Variants in GRM5 observed in about 807,000 individuals in gnomAD.
GRM5 encodes the protein metabotropic glutamate receptor 5.
A neutral mutation model predicts 83.1 loss-of-function variants in GRM5; 19 were observed. That is an observed-to-expected ratio of 0.23 (90% CI 0.16 to 0.34). The LOEUF is 0.34. Ranked by LOEUF, GRM5 falls within the 10% of genes least tolerant of loss-of-function variation. The probability of loss-of-function intolerance (pLI) is 1.00; values close to 1 mark genes in which losing one functional copy is unlikely to be tolerated. For synonymous variants in GRM5, 675 were observed against 633.6 expected, an observed-to-expected ratio of 1.07 and a Z score of -0.98; for missense variants, 1,160 against 1,588.3, an observed-to-expected ratio of 0.73 and a Z score of 4.58.
intron 3 of GRM5, among the ~76,000 whole-genome samples, chr11:88,770,019 T>G (rs543597018): frequency 3.7e-4 from 56 of 152,050 alleles, no homozygotes; most frequent in Admixed American, 1.1e-3. Flanking sequence ...GTTGATAGTA[T>G]ACACCCTGGA....
chr11:88,885,113 ATATAT>A (rs1945021009), intron 2 of GRM5, among the ~76,000 whole-genome samples: 3 of 152,074 alleles, frequency 2.0e-5, no homozygotes, highest in Middle Eastern at 3.4e-3. Flanking sequence ...CTGAATTTAT[ATATAT>A]TATAAAATGA....
intron 4 of GRM5, among the ~76,000 whole-genome samples, chr11:88,631,065 A>G (rs766630495): frequency 6.6e-6 from 1 of 152,162 alleles, no homozygotes; most frequent in Admixed American, 6.5e-5. Context: ...GCAATTACTG[A>G]AATGTCAAAA....
intron 1 of GRM5, chr11:89,063,657 C>G (rs1007819136): frequency 2.6e-5 from 4 of 152,008 alleles, no homozygotes; most frequent in Admixed American, 2.0e-4. Context: ...CTGAGGGCGG[C>G]GTGTGCAGCA....
intron 3 of GRM5, among the ~76,000 whole-genome samples, chr11:88,688,470 G>A (rs1940702095): frequency 6.6e-6 from 1 of 152,106 alleles, no homozygotes; most frequent in Non-Finnish European, 1.5e-5. Context: ...GTGGATTTCA[G>A]TACAAAGCTC....
chr11:88,930,139 G>A (rs1210427305), intron 2 of GRM5, among the ~76,000 whole-genome samples: 1 of 152,042 alleles, frequency 6.6e-6, no homozygotes, highest in Non-Finnish European at 1.5e-5. Context: ...TTTGTGCTGG[G>A]TGCAGTGACC....
At position 88,722,860 on chromosome 11, in the gene GRM5, C is replaced by T. The variant is rs563824970; in HGVS notation, c.912-69457G>A. On this transcript the variant is annotated intron_variant, in intron 3 of 9. Coordinates refer to ENST00000305447, the MANE Select transcript of GRM5 (RefSeq NM_001143831.3). ...TACAATTGATGAATCAATATTGATA[C>T]ATTATTATTGACTGAAGTCTATAGT... Among the ~76,000 whole-genome samples, 11 of 151,220 alleles carry T rather than the reference C, an allele frequency of 7.3e-5. No individual in the cohort carries two copies. The East Asian group carries it at 1.9e-3, about 27-fold the overall frequency.
chr11:88,758,680 T>C (rs563881863), intron 3 of GRM5, among the ~76,000 whole-genome samples: 106 of 152,294 alleles, frequency 7.0e-4, no homozygotes, highest in Non-Finnish European at 1.1e-3. Context: ...CAGGATATCA[T>C]TCATAAGAAC....
At chr11:88,784,348 A>G (rs187545685) in intron 3 of GRM5, among the ~76,000 whole-genome samples, 30 of 152,144 alleles carry the variant, frequency 2.0e-4, no homozygotes, top group Admixed American at 1.5e-3. Context: ...CCTATTCTCC[A>G]CTTATGTGCC....
At chr11:88,775,834 T>C (rs576855977) in intron 3 of GRM5, among the ~76,000 whole-genome samples, 1 of 152,298 alleles carries the variant, frequency 6.6e-6, no homozygotes, top group Non-Finnish European at 1.5e-5. Context: ...CTTTTTTACA[T>C]TTGCTGAGGA....
At chr11:88,693,446 C>T (rs990013635) in intron 3 of GRM5, among the ~76,000 whole-genome samples, 3 of 152,138 alleles carry the variant, frequency 2.0e-5, no homozygotes, top group African/African-American at 4.8e-5. Context: ...CAAACAGTCT[C>T]CCTCATTCCT....
At chr11:88,591,167 T>A (rs1237187586) in intron 6 of GRM5, among the ~76,000 whole-genome samples, 4 of 152,214 alleles carry the variant, frequency 2.6e-5, no homozygotes, top group Admixed American at 2.6e-4. Flanking sequence ...AAACATTGTA[T>A]ATTTCCTAAT....
intron 2 of GRM5, among the ~76,000 whole-genome samples, chr11:88,987,773 A>G (rs568399300): frequency 1.1e-3 from 173 of 151,902 alleles, no homozygotes; most frequent in Middle Eastern, 3.4e-3. Context: ...ACGGCAGGGT[A>G]CTCCAACAGA....
intron 2 of GRM5, among the ~76,000 whole-genome samples, chr11:88,919,450 T>G (rs1945653219): frequency 6.6e-6 from 1 of 151,122 alleles, no homozygotes; most frequent in Non-Finnish European, 1.5e-5. Flanking sequence ...ATAATAATAG[T>G]TGGAGGCTTC....
At chr11:88,532,557 T>A (rs559648813) in intron 8 of GRM5, among the ~76,000 whole-genome samples, 2 of 152,156 alleles carry the variant, frequency 1.3e-5, no homozygotes, top group African/African-American at 4.8e-5. Context: ...AAAATGACCA[T>A]GTGAATAAAC....
chr11:88,993,680 T>C (rs1940072690), intron 2 of GRM5, among the ~76,000 whole-genome samples: 1 of 152,168 alleles, frequency 6.6e-6, no homozygotes, highest in African/African-American at 2.4e-5. Flanking sequence ...GAACTATAAA[T>C]GAATTCAGTA....
At chr11:88,679,057 G>A (rs773252180) in intron 3 of GRM5, among the ~76,000 whole-genome samples, 1 of 152,126 alleles carries the variant, frequency 6.6e-6, no homozygotes, top group Non-Finnish European at 1.5e-5. Context: ...AATGTAAATA[G>A]GCAATGAGAG....
intron 3 of GRM5, among the ~76,000 whole-genome samples, chr11:88,828,027 T>A (rs1180413481): frequency 6.6e-6 from 1 of 152,058 alleles, no homozygotes; most frequent in Non-Finnish European, 1.5e-5. Context: ...ACGTGACAAA[T>A]CTATTGATGT....
intron 2 of GRM5, among the ~76,000 whole-genome samples, chr11:88,942,771 T>C (rs1352997440): frequency 6.6e-6 from 1 of 152,060 alleles, no homozygotes; most frequent in Non-Finnish European, 1.5e-5. Context: ...AGTTTGAAAT[T>C]ACCTTGAAGT....
At chr11:88,770,998 A>G (rs1466401303) in intron 3 of GRM5, among the ~76,000 whole-genome samples, 1 of 152,148 alleles carries the variant, frequency 6.6e-6, no homozygotes, top group African/African-American at 2.4e-5. Context: ...TCAGACATGT[A>G]TCCCTTACTA....
Sources: gnomAD v4.1 joint callset for allele counts (sites outside exome capture counted in the v4.1 genomes callset) on GRCh38, gnomAD v4.1.1 for gene constraint, MANE v1.5 for transcripts, NCBI Gene and HGNC (gene_info 2026-07-23, HGNC 2026-07-21) for gene names.